OCA2: variants seen among roughly 807,000 people sequenced by gnomAD.
OCA2 encodes the protein OCA2 melanosomal transmembrane protein.
Under a neutral mutation model 100.2 loss-of-function variants are expected in OCA2, and 77 were observed. That is an observed-to-expected ratio of 0.77 (90% confidence interval 0.64 to 0.93). The LOEUF is 0.93. OCA2 is among the 40% of genes least tolerant of loss of function. OCA2 has a pLI of 0.00. For synonymous variants in OCA2, 432 were observed against 439.2 expected (o/e 0.98, Z 0.21); for missense variants, 1,062 against 1,089.1 (o/e 0.98, Z 0.35).
chr15:27,804,829 G>C (rs1285127660), intron 23 of OCA2, among the ~76,000 whole-genome samples: 1 of 152,198 alleles, frequency 6.6e-6, no homozygotes, highest in Non-Finnish European at 1.5e-5. Flanking sequence ...CCCAGTCCTC[G>C]GCGCCAGGCA....
intron 23 of OCA2, among the ~76,000 whole-genome samples, chr15:27,773,303 T>C (rs1009977483): frequency 6.6e-6 from 1 of 152,166 alleles, no homozygotes; most frequent in Admixed American, 6.5e-5. Context: ...TGAGAATAAA[T>C]CTATATATCT....
intron 21 of OCA2, among the ~76,000 whole-genome samples, chr15:27,854,657 C>T (rs764944355): frequency 2.0e-5 from 3 of 152,184 alleles, no homozygotes; most frequent in Non-Finnish European, 4.4e-5. Context: ...CATAGAGGCA[C>T]CTTTAGACTT....
chr15:28,073,709 C>A (rs985121995), intron 2 of OCA2, among the ~76,000 whole-genome samples: 2 of 152,170 alleles, frequency 1.3e-5, no homozygotes, highest in African/African-American at 4.8e-5. Context: ...ACATAATATT[C>A]TCATGTAACA....
chr15:27,776,440 T>C (rs2032218760), intron 23 of OCA2: 1 of 152,268 alleles, frequency 6.6e-6, no homozygotes, highest in African/African-American at 2.4e-5. Flanking sequence ...TATTTTCCCC[T>C]GCTTAATCAC....
intron 15 of OCA2, among the ~76,000 whole-genome samples, chr15:27,965,392 T>G (rs1025757861): frequency 2.0e-5 from 3 of 152,230 alleles, no homozygotes; most frequent in African/African-American, 7.2e-5. Context: ...TGAGTAGATA[T>G]TCCCAAGAAC....
At chr15:27,998,448 A>G (rs2041819993) in intron 9 of OCA2, among the ~76,000 whole-genome samples, 1 of 138,160 alleles carries the variant, frequency 7.2e-6, no homozygotes, top group African/African-American at 2.5e-5. Context: ...ACATGAAAAA[A>G]TGCTCATCAT....
chr15:27,979,137 T>G (rs1044473275), intron 14 of OCA2, among the ~76,000 whole-genome samples: 1 of 152,244 alleles, frequency 6.6e-6, no homozygotes, highest in African/African-American at 2.4e-5. Context: ...ATAAGTTACA[T>G]GAGCTATCCA....
intron 21 of OCA2, among the ~76,000 whole-genome samples, chr15:27,859,254 C>A (rs917214563): frequency 6.6e-6 from 1 of 151,616 alleles, no homozygotes; most frequent in Non-Finnish European, 1.5e-5. Flanking sequence ...TTGAAAGGAT[C>A]GACGATATTG....
chr15:27,907,328 T>TA (rs1364582197), intron 19 of OCA2, among the ~76,000 whole-genome samples: 1 of 152,144 alleles, frequency 6.6e-6, no homozygotes, highest in Non-Finnish European at 1.5e-5. Context: ...TTACAATTTT[T>TA]AAAAAATGAT....
intron 19 of OCA2, among the ~76,000 whole-genome samples, chr15:27,909,935 A>T (rs887338067): frequency 6.6e-6 from 1 of 151,736 alleles, no homozygotes; most frequent in East Asian, 1.9e-4. Flanking sequence ...GTCACAAAAC[A>T]ACTAACTAGG....
chr15:28,039,113 C>A (rs896039437), intron 2 of OCA2, among the ~76,000 whole-genome samples: 1 of 151,874 alleles, frequency 6.6e-6, no homozygotes, highest in African/African-American at 2.4e-5. Context: ...GAAGTTATAA[C>A]AACTACAAAT....
At chr15:27,948,527 G>A (rs1043077659) in intron 18 of OCA2, among the ~76,000 whole-genome samples, 4 of 152,204 alleles carry the variant, frequency 2.6e-5, no homozygotes, top group East Asian at 1.9e-4. Flanking sequence ...GCCCAGTGGT[G>A]CAATCTCAGC....
intron 9 of OCA2, among the ~76,000 whole-genome samples, chr15:28,002,922 AT>A (rs554294166): frequency 1.7e-3 from 261 of 152,294 alleles, no homozygotes; most frequent in African/African-American, 6.1e-3. Flanking sequence ...TACTGAGCTG[AT>A]TTTCTAGCCT....
intron 19 of OCA2, among the ~76,000 whole-genome samples, chr15:27,888,062 G>A (rs2037305368): frequency 6.6e-6 from 1 of 152,044 alleles, no homozygotes; most frequent in African/African-American, 2.4e-5. Flanking sequence ...ACAGGAAGGG[G>A]GATGCCATCT....
chr15:28,062,213 C>T (rs1325676455), intron 2 of OCA2, among the ~76,000 whole-genome samples: 1 of 152,246 alleles, frequency 6.6e-6, no homozygotes, highest in Non-Finnish European at 1.5e-5. Flanking sequence ...AATTTCTCCA[C>T]ATCAGCCCTA....
chr15:27,787,049 GT>G (rs1304350547), intron 23 of OCA2, among the ~76,000 whole-genome samples: 1 of 152,048 alleles, frequency 6.6e-6, no homozygotes, highest in Non-Finnish European at 1.5e-5. Context: ...TTATGTGGGA[GT>G]TTTTTGCCCT....
intron 19 of OCA2, among the ~76,000 whole-genome samples, chr15:27,906,666 C>T (rs2038190272): frequency 2.0e-5 from 3 of 152,184 alleles, no homozygotes; most frequent in Admixed American, 1.3e-4. Context: ...AACAATCAGA[C>T]TGACATCAGG....
intron 23 of OCA2, among the ~76,000 whole-genome samples, chr15:27,795,838 C>T (rs2033306311): frequency 1.3e-5 from 2 of 152,302 alleles, no homozygotes; most frequent in East Asian, 1.9e-4. Flanking sequence ...CCATCCACAT[C>T]GCTGATTGTA....
chr15:27,868,734 T>C (rs1257044898), intron 21 of OCA2, among the ~76,000 whole-genome samples: 2 of 152,162 alleles, frequency 1.3e-5, no homozygotes, highest in African/African-American at 4.8e-5. Context: ...GAAGCACACA[T>C]ATATACACAT....
Sources: allele counts gnomAD v4.1 joint callset (sites outside exome capture counted in the v4.1 genomes callset), GRCh38; gene constraint gnomAD v4.1.1; transcripts MANE v1.5; gene names NCBI Gene and HGNC (gene_info 2026-07-23, HGNC 2026-07-21).